The following FSCN1 variants were observed in gnomAD, a reference collection of about 807,000 sequenced individuals.
FSCN1 encodes fascin actin-bundling protein 1.
In FSCN1, 10 loss-of-function variants were observed where a neutral mutation model predicts 39.7. The observed-to-expected ratio is 0.25, with a 90% CI of 0.16 to 0.43. FSCN1 has a LOEUF of 0.43. Among genes scored for constraint, FSCN1 ranks in the 20% least tolerant of loss-of-function variants. The probability of loss-of-function intolerance (pLI) is 1.00; values close to 1 mark genes in which losing one functional copy is unlikely to be tolerated. For missense variants in FSCN1, 525 were observed against 723.8 expected (o/e 0.73, Z 3.15); for synonymous variants, 322 against 320.0 (o/e 1.01, Z -0.07).
rs1202119183 is a variant in FSCN1, at chr7:5,605,657, G to A, written c.*183G>A. ...CTATGGACTCCCCACTCTCCCCTCC[G>A]CCCGGGTTCCCTACTCCCCTCGGGT... On this transcript the variant is annotated 3_prime_UTR_variant, in exon 5 of 5. Transcript: ENST00000382361. The surrounding 1 kb of genome is among the most constrained non-coding windows in gnomAD (Gnocchi z 6.9). The A allele has an allele frequency of 1.2e-5, 7 of 588,022 alleles. No individual in the cohort carries two copies. Among genetic ancestry groups the A allele is most frequent in the Non-Finnish European group, 2.1e-5 (7 of 333,008 alleles). 36.4% of individuals were successfully genotyped at this position (588,022 alleles called of 1,614,324 possible).
intron 1 of FSCN1, among the ~76,000 whole-genome samples, chr7:5,601,433 C>T (rs1233090330): frequency 6.6e-6 from 1 of 151,554 alleles, no homozygotes; most frequent in African/African-American, 2.4e-5. Context: ...GAACTCATGA[C>T]CTCAGGTGAT....
chr7:5,603,788 C>G lies in FSCN1; in HGVS notation c.1112-75C>G. ...TGCTGTGTGACCCCAGCTCCTGGCC[C>G]TCCCTCTCTGGTCACCCCAGCCTCC... is the stretch of plus-strand genomic sequence containing the variant. On this transcript the variant is annotated intron_variant, in intron 3 of 4. Coordinates refer to ENST00000382361, the MANE Select transcript of FSCN1 (RefSeq NM_003088.4). This position sits in a 1 kb window ranked among gnomAD's most constrained non-coding sequence, Gnocchi z 8.5. 1.3e-6 allele frequency: 2 copies of G among 1,527,390 alleles called. No individual in the cohort carries two copies. Among genetic ancestry groups the G allele is most frequent in the Non-Finnish European group, 1.8e-6 (2 of 1,115,110 alleles). 94.6% of individuals were successfully genotyped at this position (1,527,390 alleles called of 1,614,324 possible).
In FSCN1 at chr7:5,606,001, C is replaced by T. The variant is rs898502225; in HGVS notation, c.*527C>T. 2 of 152,702 alleles carry T rather than the reference C, an allele frequency of 1.3e-5. No individual in the cohort carries two copies. Among genetic ancestry groups the T allele is most frequent in the African/African-American group, 2.4e-5 (1 of 41,436 alleles). 9.5% of individuals were successfully genotyped at this position (152,702 alleles called of 1,614,324 possible). ...AGCTGTCGGGTGGGCTAGGACTGACCCTTGTGGTGTTTTTTTGGGTGGTGG... is the reference window on the plus strand; with the variant it reads ...AGCTGTCGGGTGGGCTAGGACTGACTCTTGTGGTGTTTTTTTGGGTGGTGG... On this transcript the variant is annotated 3_prime_UTR_variant, in exon 5 of 5. Coordinates refer to ENST00000382361, the MANE Select transcript of FSCN1 (RefSeq NM_003088.4). The surrounding 1 kb of genome is among the most constrained non-coding windows in gnomAD (Gnocchi z 5.1).
chr7:5,596,957 A>G (rs1433239427), intron 1 of FSCN1, among the ~76,000 whole-genome samples: 1 of 152,156 alleles, frequency 6.6e-6, no homozygotes, highest in Non-Finnish European at 1.5e-5. Context: ...TGAACAAGCC[A>G]GGGGCATCTG....
chr7:5,599,470 C>T lies in FSCN1; in HGVS notation c.833-3787C>T, dbSNP rs138117707. ...CCTCTTTGTGAAGTAGGATGAAGATCCCCACCTGTGGAGCAGATGTGGGGC... is the reference window on the plus strand; with the variant it reads ...CCTCTTTGTGAAGTAGGATGAAGATTCCCACCTGTGGAGCAGATGTGGGGC... On this transcript the variant is annotated intron_variant, in intron 1 of 4. Transcript: ENST00000382361. The surrounding 1 kb of genome is among the most constrained non-coding windows in gnomAD (Gnocchi z 5.6). 4.3e-3 allele frequency among the ~76,000 whole-genome samples: 653 copies of T among 152,286 alleles called. 4 individuals carry two copies. The highest frequency in any genetic ancestry group is 0.015 in the African/African-American group (634 of 41,548).
rs571943480 is a variant in FSCN1 at position 5,596,031 on chromosome 7, G to A, written c.832+2263G>A. On this transcript the variant is annotated intron_variant, in intron 1 of 4. Coordinates refer to ENST00000382361, the MANE Select transcript of FSCN1 (RefSeq NM_003088.4). ...AGTTGAAAGGGATGTGGGACGGCGCGGGGGTGGGGGTACTTGGGGGCCGAG... is the reference window on the plus strand; with the variant it reads ...AGTTGAAAGGGATGTGGGACGGCGCAGGGGTGGGGGTACTTGGGGGCCGAG... Among the ~76,000 whole-genome samples the A allele has an allele frequency of 3.3e-5, 5 of 152,026 alleles. No individual in the cohort carries two copies. In the South Asian group the frequency reaches 8.3e-4, roughly 25 times the overall value.
At chr7:5,598,092 T>C (rs1033469285) in intron 1 of FSCN1, among the ~76,000 whole-genome samples, 1 of 152,212 alleles carries the variant, frequency 6.6e-6, no homozygotes, top group African/African-American at 2.4e-5. Flanking sequence ...CCTGCTGGGG[T>C]GTGGCCTGAT....
intron 1 of FSCN1, chr7:5,594,678 G>C (rs1785698914): frequency 6.6e-6 from 1 of 152,002 alleles, no homozygotes; most frequent in Admixed American, 6.6e-5. Context: ...CGCGGATGGC[G>C]GCCCTCCAGG....
intron 1 of FSCN1, among the ~76,000 whole-genome samples, chr7:5,598,961 G>C (rs1301506315): frequency 6.6e-6 from 1 of 152,220 alleles, no homozygotes; most frequent in Non-Finnish European, 1.5e-5. Context: ...AGCTGTGCGG[G>C]TGTGGCTGGC....
chr7:5,596,524 C>T (rs1562745955), intron 1 of FSCN1, among the ~76,000 whole-genome samples: 2 of 152,082 alleles, frequency 1.3e-5, no homozygotes, highest in African/African-American at 4.8e-5. Context: ...AGGCTCCTCC[C>T]TGCTCCCCAG....
rs767149706 is a variant in FSCN1 at position 5,603,949 on chromosome 7, G to A, written c.1198G>A (p.Val400Ile). 6.8e-6 allele frequency: 11 copies of A among 1,613,894 alleles called. No individual in the cohort carries two copies. The East Asian group carries it at 2.5e-4, about 36-fold the overall frequency. ...GCATGGCTTCATCGGCTGCCGCAAGGTCACGGGCACCCTGGACGCCAACCG... is the reference window on the plus strand; with the variant it reads ...GCATGGCTTCATCGGCTGCCGCAAGATCACGGGCACCCTGGACGCCAACCG... ...GEHGFIGCRK[V>I]TGTLDANRSS... The change falls in exon 4 of 5, where the codon GTC (valine) becomes ATC (isoleucine). Residue 400 changes from valine (V) to isoleucine (I), a missense_variant. Val to Ile is a conservative substitution (Grantham distance 29, BLOSUM62 3). Around this residue, in one of 3 missense-constraint regions of FSCN1, gnomAD observed 275 missense variants for 351.9 expected, o/e 0.78. Coordinates refer to ENST00000382361, the MANE Select transcript of FSCN1 (RefSeq NM_003088.4). This position sits in a 1 kb window ranked among gnomAD's most constrained non-coding sequence, Gnocchi z 8.5.
Position 5,603,701 on chromosome 7 carries a change from C to T in FSCN1, c.1111+84C>T, listed in dbSNP as rs1307666405. On this transcript the variant is annotated intron_variant, in intron 3 of 4. Transcript: ENST00000382361. This position sits in a 1 kb window ranked among gnomAD's most constrained non-coding sequence, Gnocchi z 8.5. ...GCCGTGGTCACTTGGTAGCCCCAGC[C>T]AAGGCCTGCTCTGTGCTGGGCATCC... The T allele has an allele frequency of 6.3e-7, 1 of 1,581,132 alleles. No individual in the cohort carries two copies. The highest frequency in any genetic ancestry group is 8.7e-7 in the Non-Finnish European group (1 of 1,154,770).
At chr7:5,600,138 G>T (rs1489091308) in intron 1 of FSCN1, among the ~76,000 whole-genome samples, 1 of 152,070 alleles carries the variant, frequency 6.6e-6, no homozygotes, top group Non-Finnish European at 1.5e-5. Context: ...TGGGCTGGGC[G>T]CAGTGGCTCA....
rs1272734674 is a variant in FSCN1, at chr7:5,602,263, C to T, written c.833-994C>T. Among the ~76,000 whole-genome samples, 6 of 150,994 alleles carry T rather than the reference C, an allele frequency of 4.0e-5. 1 individual carries two copies. In the South Asian group the frequency reaches 1.0e-3, roughly 26 times the overall value. On this transcript the variant is annotated intron_variant, in intron 1 of 4. Transcript: ENST00000382361. ...AGTTGTCCAGGCTGGTCTTGAACTC[C>T]TGGTCTCAAATGATCCTCCTGACTT...
chr7:5,601,032 GCCCGCCTCGGCCT>G (rs1408357317), intron 1 of FSCN1, among the ~76,000 whole-genome samples: 1 of 131,656 alleles, frequency 7.6e-6, no homozygotes, highest in Non-Finnish European at 1.6e-5. Context: ...CTCATGATCC[GCCCGCCTCGGCCT>G]CCCAAAGTGC....
chr7:5,595,764 T>A (rs548016183), intron 1 of FSCN1, among the ~76,000 whole-genome samples: 1 of 152,300 alleles, frequency 6.6e-6, no homozygotes, highest in South Asian at 2.1e-4. Flanking sequence ...TGCAGGGCTA[T>A]GGTCCTTGCC....
rs77093946 is a variant in FSCN1, at chr7:5,603,740, C to T, written c.1111+123C>T. 4,723 of 1,503,238 alleles carry T rather than the reference C, an allele frequency of 3.1e-3. 132 individuals carry two copies. In the African/African-American group the frequency reaches 0.059, roughly 19 times the overall value. The allele number at this position is 1,503,238 out of a possible 1,614,324, so 93.1% of individuals were successfully genotyped here. On this transcript the variant is annotated intron_variant, in intron 3 of 4. Transcript: ENST00000382361. The surrounding 1 kb of genome is among the most constrained non-coding windows in gnomAD (Gnocchi z 8.5). ...TGCTGGGCATCCCCCCGGACTGGCC[C>T]CGCACTGTCCTACCCTGGGGACTGC... is the stretch of plus-strand genomic sequence containing the variant.
rs1785672330 is a variant in FSCN1, at chr7:5,593,558, C to T, written c.622C>T (p.Pro208Ser). Residue 208 changes from proline (P) to serine (S), a missense_variant, in exon 1 of 5, where the codon CCG becomes TCG. Coordinates refer to ENST00000382361, the MANE Select transcript of FSCN1 (RefSeq NM_003088.4). The stretch of plus-strand genomic sequence containing the variant: ...CGGGCGCCTGGTGGCGCGCCCCGAG[C>T]CGGCCACTGGCTACACGCTGGAGTT... Reference protein sequence around the residue: ...HDGRLVARPEPATGYTLEFRS... With the variant: ...HDGRLVARPESATGYTLEFRS... 1.3e-6 allele frequency: 2 copies of T among 1,585,382 alleles called. No individual in the cohort carries two copies. The highest frequency in any genetic ancestry group is 1.3e-5 in the African/African-American group (1 of 74,258).
rs572081831 is a variant in FSCN1 at position 5,605,660 on chromosome 7, C to CG, written c.*189dup. On this transcript the variant is annotated 3_prime_UTR_variant, in exon 5 of 5. Transcript: ENST00000382361. The surrounding 1 kb of genome is among the most constrained non-coding windows in gnomAD (Gnocchi z 6.9). ...TGGACTCCCCACTCTCCCCTCCGCC[C>CG]GGGTTCCCTACTCCCCTCGGGTCAG... 7.8e-4 allele frequency: 457 copies of CG among 586,414 alleles called. No homozygotes were observed. Among genetic ancestry groups the CG allele is most frequent in the African/African-American group, 7.4e-3 (397 of 53,500 alleles). 36.3% of individuals were successfully genotyped at this position (586,414 alleles called of 1,614,324 possible).
Sources: allele counts gnomAD v4.1 joint callset (sites outside exome capture counted in the v4.1 genomes callset), GRCh38; gene constraint gnomAD v4.1.1; regional missense constraint gnomAD v4.1.1; non-coding constraint Gnocchi (gnomAD v3.1); transcripts MANE v1.5; gene names NCBI Gene and HGNC (gene_info 2026-07-23, HGNC 2026-07-21).